TNS3: variants seen among roughly 807,000 people sequenced by gnomAD.
TNS3 encodes the protein tensin-3.
In TNS3, 45 loss-of-function variants were observed where a neutral mutation model predicts 140.9. The observed-to-expected ratio is 0.32, with a 90% CI of 0.25 to 0.41. The LOEUF (loss-of-function observed/expected upper bound fraction) is 0.41. Ranked by LOEUF, TNS3 falls within the 10% of genes least tolerant of loss-of-function variation. The probability of loss-of-function intolerance (pLI) is 1.00; values close to 1 mark genes in which losing one functional copy is unlikely to be tolerated. For synonymous variants in TNS3, 815 were observed against 788.4 expected, an observed-to-expected ratio of 1.03 and a Z score of -0.56; for missense variants, 1,716 against 1,906.7, an observed-to-expected ratio of 0.90 and a Z score of 1.86.
At chr7:47,437,784 A>G (rs1349453473) in intron 6 of TNS3, among the ~76,000 whole-genome samples, 1 of 127,532 alleles carries the variant, frequency 7.8e-6, no homozygotes, top group Non-Finnish European at 1.8e-5. Flanking sequence ...ACACACACAC[A>G]CGTATAAAAT....
chr7:47,333,432 C>T (rs187369242), intron 20 of TNS3, among the ~76,000 whole-genome samples: 53 of 152,340 alleles, frequency 3.5e-4, no homozygotes, highest in African/African-American at 1.2e-3. Context: ...TGCACACTTA[C>T]ATATGCCTAC....
intron 17 of TNS3, among the ~76,000 whole-genome samples, chr7:47,347,639 C>T (rs1042017793): frequency 6.6e-6 from 1 of 152,000 alleles, no homozygotes; most frequent in African/African-American, 2.4e-5. Flanking sequence ...GACATCTGCT[C>T]AGCACCACAC....
chr7:47,521,580 C>T (rs1584806442), intron 2 of TNS3, among the ~76,000 whole-genome samples: 1 of 152,114 alleles, frequency 6.6e-6, no homozygotes, highest in Non-Finnish European at 1.5e-5. Context: ...ATGGATAGTT[C>T]TGGAGGGAAA....
chr7:47,339,698 A>G (rs1193098752), intron 20 of TNS3, among the ~76,000 whole-genome samples: 7 of 152,100 alleles, frequency 4.6e-5, no homozygotes, highest in Admixed American at 6.6e-5. Context: ...AAATTTTAGA[A>G]TTATGTTGTC....
At chr7:47,286,887 G>A (rs530304650) in intron 27 of TNS3, among the ~76,000 whole-genome samples, 5 of 152,152 alleles carry the variant, frequency 3.3e-5, no homozygotes, top group African/African-American at 9.6e-5. Flanking sequence ...GAAAAGAATC[G>A]TACAGGCAGC....
chr7:47,541,449 G>C (rs1799784696), intron 1 of TNS3, among the ~76,000 whole-genome samples: 1 of 152,122 alleles, frequency 6.6e-6, no homozygotes, highest in Admixed American at 6.5e-5. Context: ...CCCCCAATGA[G>C]CCTGAAATCT....
At chr7:47,518,328 G>A (rs1798848873) in intron 2 of TNS3, among the ~76,000 whole-genome samples, 1 of 152,140 alleles carries the variant, frequency 6.6e-6, no homozygotes, top group Non-Finnish European at 1.5e-5. Context: ...CTCCGCCGAT[G>A]TCATAGGGCG....
intron 7 of TNS3, among the ~76,000 whole-genome samples, chr7:47,436,556 A>T (rs984702587): frequency 4.6e-5 from 7 of 152,242 alleles, no homozygotes; most frequent in Admixed American, 4.6e-4. Flanking sequence ...TATGTAACAA[A>T]CCTGCACGTT....
chr7:47,424,354 T>C (rs1394510962), intron 9 of TNS3, among the ~76,000 whole-genome samples, 170 bp from the exon 10 acceptor site: 1 of 152,184 alleles, frequency 6.6e-6, no homozygotes, highest in Non-Finnish European at 1.5e-5. Context: ...TTAGACTTCA[T>C]TTCCCCCGCA....
chr7:47,540,114 G>A (rs1315825675), intron 1 of TNS3, among the ~76,000 whole-genome samples: 1 of 152,050 alleles, frequency 6.6e-6, no homozygotes, highest in Non-Finnish European at 1.5e-5. Flanking sequence ...CTTTTTACTC[G>A]CCAGGTTGTC....
chr7:47,576,161 T>C (rs955980036), intron 1 of TNS3, among the ~76,000 whole-genome samples: 5 of 152,094 alleles, frequency 3.3e-5, no homozygotes. Flanking sequence ...TCCCTCCCAG[T>C]GGATCAGATT....
At chr7:47,476,981 G>C (rs1395269394) in intron 4 of TNS3, among the ~76,000 whole-genome samples, 1 of 152,202 alleles carries the variant, frequency 6.6e-6, no homozygotes, top group East Asian at 1.9e-4. Context: ...GAACATCACA[G>C]GTAAATAGCC....
At chr7:47,396,628 G>T in intron 16 of TNS3, 172 bp downstream of exon 16, 1 of 636,704 alleles carries the variant, frequency 1.6e-6, no homozygotes, top group Non-Finnish European at 2.8e-6. Context: ...TTATTCTCAC[G>T]AAGACCCTCA....
intron 28 of TNS3, among the ~76,000 whole-genome samples, chr7:47,281,646 C>A (rs1785150593): frequency 6.6e-6 from 1 of 152,214 alleles, no homozygotes; most frequent in Admixed American, 6.5e-5. Flanking sequence ...CAAACGCTAT[C>A]TCTTACAGTA....
At chr7:47,439,956 A>T (rs1361125947) in intron 5 of TNS3, among the ~76,000 whole-genome samples, 4 of 152,152 alleles carry the variant, frequency 2.6e-5, no homozygotes, top group African/African-American at 9.7e-5. Context: ...CATGGGCTCA[A>T]ATGCAAAAGC....
chr7:47,554,084 C>T (rs927259758), intron 1 of TNS3, among the ~76,000 whole-genome samples: 10 of 150,296 alleles, frequency 6.7e-5, no homozygotes, highest in East Asian at 2.1e-4. Flanking sequence ...GGATTACAAG[C>T]GTGAGCCACT....
intron 13 of TNS3, among the ~76,000 whole-genome samples, chr7:47,406,470 A>G (rs1291120578): frequency 1.3e-5 from 2 of 152,156 alleles, no homozygotes; most frequent in African/African-American, 2.4e-5. Flanking sequence ...AGAGGCCCTC[A>G]TGAGGAAAGC....
At chr7:47,494,569 G>T (rs951768230) in intron 3 of TNS3, among the ~76,000 whole-genome samples, 2 of 152,158 alleles carry the variant, frequency 1.3e-5, no homozygotes, top group Non-Finnish European at 2.9e-5. Flanking sequence ...ATAAGGGAGG[G>T]TTAACAGCTC....
chr7:47,492,983 C>A (rs142793028), intron 3 of TNS3, among the ~76,000 whole-genome samples: 8 of 152,348 alleles, frequency 5.3e-5, no homozygotes, highest in African/African-American at 1.9e-4. Flanking sequence ...CCAGCTCCTG[C>A]TTCTTGGGGG....
Sources: allele counts gnomAD v4.1 joint callset (sites outside exome capture counted in the v4.1 genomes callset), GRCh38; gene constraint gnomAD v4.1.1; transcripts MANE v1.5; gene names NCBI Gene and HGNC (gene_info 2026-07-23, HGNC 2026-07-21).